PLA2R1: variants seen among roughly 807,000 people sequenced by gnomAD.
PLA2R1 encodes phospholipase A2 receptor 1.
In PLA2R1, 158 loss-of-function variants were observed where a neutral mutation model predicts 195.9. That is an observed-to-expected ratio of 0.81 (90% CI 0.71 to 0.92). PLA2R1 has a LOEUF of 0.92. PLA2R1 is among the 40% of genes least tolerant of loss of function. The pLI, the probability that PLA2R1 is intolerant of heterozygous loss-of-function variation, is 0.00. For missense variants in PLA2R1, 1,626 were observed against 1,764.6 expected (o/e 0.92, Z 1.41); for synonymous variants, 586 against 598.2 (o/e 0.98, Z 0.30).
chr2:160,036,659 C>T (rs1466796236), intron 3 of PLA2R1, among the ~76,000 whole-genome samples: 1 of 152,206 alleles, frequency 6.6e-6, no homozygotes, highest in Admixed American at 6.5e-5. Context: ...TCTGCTGAGG[C>T]TGGGATGGAG....
chr2:160,001,790 T>C (rs1243817494), intron 11 of PLA2R1, among the ~76,000 whole-genome samples: 1 of 151,746 alleles, frequency 6.6e-6, no homozygotes, highest in Non-Finnish European at 1.5e-5. Flanking sequence ...ATGTTCCTAA[T>C]AAAACAGCCT....
intron 17 of PLA2R1, among the ~76,000 whole-genome samples, chr2:159,975,689 A>G (rs1427882487): frequency 6.6e-6 from 1 of 152,086 alleles, no homozygotes; most frequent in Non-Finnish European, 1.5e-5. Context: ...CTTTCTTCCC[A>G]GACGAGAATA....
Position 159,970,181 on chromosome 2 carries a change from C to G in PLA2R1, c.2627G>C (p.Gly876Ala), listed in dbSNP as rs758622437. ...ATCATTGGCTCTTTCTTCTTGAAGT[C>G]CAATCCACCAACTTGCACCATACTT... Reference protein sequence around the residue: ...LSKYGASWWIGLQEERANDEF... With the variant: ...LSKYGASWWIALQEERANDEF... Residue 876 changes from glycine (G) to alanine (A), a missense_variant, in exon 18 of 30, where the codon GGA becomes GCA. Physicochemically the swap from Gly to Ala is moderately conservative, Grantham distance 60 (BLOSUM62 0). Coordinates refer to ENST00000283243, the MANE Select transcript of PLA2R1 (RefSeq NM_007366.5). 4.3e-6 allele frequency: 7 copies of G among 1,609,918 alleles called. No individual in the cohort carries two copies. In the South Asian group the frequency reaches 7.7e-5, roughly 18 times the overall value.
chr2:159,924,256 G>C, the PLA2R1 span, among the ~76,000 whole-genome samples: 15 of 152,220 alleles, frequency 9.9e-5, no homozygotes, highest in Middle Eastern at 3.4e-3. Context: ...GGCCCACCTG[G>C]GTAATGCAGG....
intron 25 of PLA2R1, among the ~76,000 whole-genome samples, chr2:159,948,267 C>CTCTGTCACCTA (rs1410286225): frequency 6.6e-6 from 1 of 152,110 alleles, no homozygotes; most frequent in East Asian, 1.9e-4. Context: ...CAAAGTCTCA[C>CTCTGTCACCTA]TCTGTCACCT....
chr2:160,055,224 C>A (rs1214087074), intron 1 of PLA2R1, among the ~76,000 whole-genome samples: 2 of 151,920 alleles, frequency 1.3e-5, no homozygotes, highest in Admixed American at 6.6e-5. Context: ...AGGAGCCAGG[C>A]AGAGAAGGTA....
At chr2:160,060,088 C>A (rs552532989) in intron 1 of PLA2R1, among the ~76,000 whole-genome samples, 110 of 152,318 alleles carry the variant, frequency 7.2e-4, no homozygotes, top group Middle Eastern at 3.4e-3. Flanking sequence ...ATCAGATCTA[C>A]AAATAATACA....
chr2:159,934,841 A>G lies in PLA2R1; in HGVS notation c.*6937T>C, dbSNP rs1455863398. The G allele has an allele frequency of 2.6e-5, 4 of 152,208 alleles. No individual in the cohort carries two copies. The highest frequency in any genetic ancestry group is 9.7e-5 in the African/African-American group (4 of 41,440). 9.4% of individuals were successfully genotyped at this position (152,208 alleles called of 1,614,324 possible). On this transcript the variant is annotated 3_prime_UTR_variant, in exon 30 of 30. Transcript: ENST00000283243. ...AAACTAATACTGGTACAATACTATT[A>G]ATTAAACCATAGACTTTATTTTACT...
chr2:159,967,255 T>TC (rs1299693275), intron 20 of PLA2R1, among the ~76,000 whole-genome samples: 1 of 152,120 alleles, frequency 6.6e-6, no homozygotes, highest in Non-Finnish European at 1.5e-5. Flanking sequence ...ATACATATGT[T>TC]ACACCTAATG....
the PLA2R1 span, among the ~76,000 whole-genome samples, chr2:159,926,563 T>C: frequency 6.6e-6 from 1 of 152,078 alleles, no homozygotes; most frequent in African/African-American, 2.4e-5. Flanking sequence ...AAATGGAAAG[T>C]TGGGGGAAAA....
chr2:160,026,079 A>T (rs1300868674), intron 6 of PLA2R1, among the ~76,000 whole-genome samples: 1 of 152,206 alleles, frequency 6.6e-6, no homozygotes, highest in Non-Finnish European at 1.5e-5. Flanking sequence ...TTTCACTAAG[A>T]TAACCATTTT....
intron 1 of PLA2R1, among the ~76,000 whole-genome samples, chr2:160,047,610 GCCT>G (rs1275553196): frequency 6.6e-6 from 1 of 152,108 alleles, no homozygotes; most frequent in African/African-American, 2.4e-5. Flanking sequence ...CAAAATATTT[GCCT>G]CCTTTGTTCA....
intron 7 of PLA2R1, 87 bp downstream of exon 7, chr2:160,022,578 A>G (rs937988926): frequency 1.4e-6 from 1 of 723,834 alleles, no homozygotes; most frequent in African/African-American, 1.8e-5. Flanking sequence ...ACTTTTAAAT[A>G]GCTTAAATTT....
intron 1 of PLA2R1, among the ~76,000 whole-genome samples, chr2:160,047,277 G>A (rs546862865): frequency 3.3e-5 from 5 of 152,252 alleles, no homozygotes; most frequent in African/African-American, 9.6e-5. Flanking sequence ...GGATGTTAAG[G>A]ATATTCCATT....
chr2:160,048,565 C>A (rs1172919237), intron 1 of PLA2R1, among the ~76,000 whole-genome samples: 1 of 152,164 alleles, frequency 6.6e-6, no homozygotes, highest in African/African-American at 2.4e-5. Flanking sequence ...TTATTATATG[C>A]ACATAATGTC....
At chr2:160,032,606 A>C (rs1259042599) in intron 4 of PLA2R1, among the ~76,000 whole-genome samples, 1 of 152,228 alleles carries the variant, frequency 6.6e-6, no homozygotes, top group Non-Finnish European at 1.5e-5. Flanking sequence ...TAAAATGCTT[A>C]ATGATTTATT....
chr2:159,961,541 T>C (rs1208434893), intron 20 of PLA2R1, among the ~76,000 whole-genome samples: 2 of 152,196 alleles, frequency 1.3e-5, no homozygotes, highest in Non-Finnish European at 2.9e-5. Flanking sequence ...AGCTGTTAGT[T>C]ATCAATAATT....
intron 17 of PLA2R1, among the ~76,000 whole-genome samples, chr2:159,971,622 T>G (rs954612471): frequency 6.0e-5 from 9 of 150,794 alleles, no homozygotes; most frequent in South Asian, 2.1e-4. Flanking sequence ...TTAATGGGGG[T>G]GTGTGTGTGT....
intron 11 of PLA2R1, among the ~76,000 whole-genome samples, chr2:159,988,776 T>A (rs1448202466): frequency 6.6e-6 from 1 of 152,196 alleles, no homozygotes; most frequent in Admixed American, 6.5e-5. Flanking sequence ...CCTGGCATTG[T>A]GCTTGTCATC....
Sources: allele counts gnomAD v4.1 joint callset (sites outside exome capture counted in the v4.1 genomes callset), GRCh38; gene constraint gnomAD v4.1.1; transcripts MANE v1.5; gene names NCBI Gene and HGNC (gene_info 2026-07-23, HGNC 2026-07-21).